The following PARP1 variants were observed in gnomAD, a reference collection of about 807,000 sequenced individuals.
PARP1 encodes the protein poly(ADP-ribose) polymerase 1.
In PARP1, 44 loss-of-function variants were observed where a neutral mutation model predicts 118.7. The observed-to-expected ratio is 0.37, with a 90% CI of 0.29 to 0.48. The LOEUF is 0.48. Among genes scored for constraint, PARP1 ranks in the 20% least tolerant of loss-of-function variants. The probability of loss-of-function intolerance (pLI) is 0.99; values close to 1 mark genes in which losing one functional copy is unlikely to be tolerated. For missense variants in PARP1, 1,100 were observed against 1,272.4 expected (o/e 0.86, Z 2.06); for synonymous variants, 492 against 483.2 (o/e 1.02, Z -0.24).
chr1:226,375,798 G>C (rs932225338), intron 13 of PARP1, among the ~76,000 whole-genome samples: 1 of 152,140 alleles, frequency 6.6e-6, no homozygotes, highest in Non-Finnish European at 1.5e-5. Context: ...CTATTGGACA[G>C]CACTGCTCTA....
intron 11 of PARP1, 137 bp from the exon 12 acceptor site, chr1:226,379,411 T>C: frequency 7.9e-7 from 1 of 1,263,934 alleles, no homozygotes; most frequent in Non-Finnish European, 1.2e-6. Flanking sequence ...CCCACAAATG[T>C]GTGTTCTCAG....
At chr1:226,362,168 G>C (rs1664156111) in intron 21 of PARP1, 85 bp from the exon 22 acceptor site, 1 of 759,248 alleles carries the variant, frequency 1.3e-6, no homozygotes, top group Non-Finnish European at 2.3e-6. Flanking sequence ...TTTGATGTTG[G>C]GTCCATGTGG....
chr1:226,384,809 G>T (rs567803247), intron 7 of PARP1, among the ~76,000 whole-genome samples: 2 of 146,942 alleles, frequency 1.4e-5, no homozygotes, highest in African/African-American at 5.0e-5. Context: ...AGTTACTCAG[G>T]TAACGATTCC....
chr1:226,361,663 A>T, intron 22 of PARP1, 122 bp from the exon 23 acceptor site: 1 of 778,050 alleles, frequency 1.3e-6, no homozygotes, highest in Admixed American at 1.9e-5. Flanking sequence ...AGGCCTCTTC[A>T]TGGGGCTGGG....
intron 1 of PARP1, among the ~76,000 whole-genome samples, chr1:226,405,315 AGGGTCTGGGTCTGGGTCT>A (rs71773443): frequency 6.6e-6 from 1 of 151,402 alleles, no homozygotes; most frequent in African/African-American, 2.4e-5. Context: ...TTTTTCAGAC[AGGGTCTGGGTCTGGGTCT>A]GGGTCTGTCG....
Position 226,379,936 on chromosome 1 carries a change from T to A in PARP1, c.1529A>T (p.Gln510Leu). ...GGGGCCCTCACCTTCCTCCTTGACC[T>A]GGCCCTTGCTTTTTTTGGAGAGCGC... Reference protein sequence around the residue: ...GAALSKKSKGQVKEEGINKSE... With the variant: ...GAALSKKSKGLVKEEGINKSE... Residue 510 changes from glutamine (Q) to leucine (L), a missense_variant, in exon 10 of 23, where the codon CAG becomes CTG. This residue lies in a region of PARP1 where 948 missense variants were observed against 1,031.8 expected (regional missense o/e 0.92). Coordinates refer to ENST00000366794, the MANE Select transcript of PARP1 (RefSeq NM_001618.4). The A allele has an allele frequency of 6.2e-7, 1 of 1,613,938 alleles. No homozygotes were observed. The highest frequency in any genetic ancestry group is 8.5e-7 in the Non-Finnish European group (1 of 1,180,014).
chr1:226,403,023 A>G (rs1665067906), intron 1 of PARP1, among the ~76,000 whole-genome samples: 1 of 152,242 alleles, frequency 6.6e-6, no homozygotes, highest in Admixed American at 6.5e-5. Context: ...TCGGGGCAGC[A>G]TGCCTAGAGC....
In PARP1 at chr1:226,379,141, C is replaced by A; in HGVS notation, c.1745+1G>T. The stretch of plus-strand genomic sequence containing the variant: ...AACCAGGCTACACCTGCAGAACTCA[C>A]CTGTTTTCCTTGTCGTCCTCCAGAA... On this transcript the variant is annotated splice_donor_variant, in intron 12 of 22. Coordinates refer to ENST00000366794, the MANE Select transcript of PARP1 (RefSeq NM_001618.4). LOFTEE classifies it high-confidence loss of function. 6.2e-7 allele frequency: 1 copy of A among 1,614,212 alleles called. No individual in the cohort carries two copies. The highest frequency in any genetic ancestry group is 2.2e-5 in the East Asian group (1 of 44,884).
chr1:226,407,946 C>G lies in PARP1; in HGVS notation c.-17G>C, dbSNP rs907187. ...CTCCGCCATCCTCCCCTAGCTGCCG[C>G]CAAAGCTCCGGAAGCCCGACGCCAC... On this transcript the variant is annotated 5_prime_UTR_variant, in exon 1 of 23. Transcript: ENST00000366794. 277,010 of 1,610,132 alleles carry G rather than the reference C, an allele frequency of 0.17. 28,309 individuals carry two copies. The highest frequency in any genetic ancestry group is 0.42 in the East Asian group (18,760 of 44,584).
chr1:226,363,791 G>T, intron 20 of PARP1, 152 bp downstream of exon 20: 2 of 822,996 alleles, frequency 2.4e-6, no homozygotes, highest in Non-Finnish European at 2.0e-6. Context: ...ACTTGAATTG[G>T]ATTCTGCTAC....
intron 2 of PARP1, chr1:226,392,690 T>C: frequency 1.8e-6 from 1 of 541,294 alleles, no homozygotes; most frequent in South Asian, 2.5e-5. Flanking sequence ...CTAATTTCCA[T>C]TATACTTCTA....
intron 14 of PARP1, 138 bp downstream of exon 14, chr1:226,374,088 G>T (rs1558235733): frequency 2.0e-6 from 2 of 1,007,190 alleles, no homozygotes; most frequent in East Asian, 5.0e-5. Flanking sequence ...ATTTAAGATT[G>T]AAGGACAGGT....
chr1:226,380,978 G>A (rs770663463), intron 9 of PARP1, 90 bp downstream of exon 9: 16 of 1,429,674 alleles, frequency 1.1e-5, no homozygotes, highest in Admixed American at 6.7e-5. Context: ...GTTTTTCAGC[G>A]CTGTGTTCGA....
intron 2 of PARP1, among the ~76,000 whole-genome samples, chr1:226,395,716 C>T (rs2793382): frequency 0.44 from 67,241 of 152,054 alleles, 16,338 homozygotes; most frequent in East Asian, 0.81. Flanking sequence ...TGAAATATGG[C>T]ATATTCGTGC....
chr1:226,364,957 T>C (rs1439199430), intron 19 of PARP1, 45 bp downstream of exon 19: 1 of 1,609,242 alleles, frequency 6.2e-7, no homozygotes, highest in African/African-American at 1.3e-5. Flanking sequence ...TGGAGACACC[T>C]GCAGAGACAG....
chr1:226,386,302 C>T (rs760135492), intron 6 of PARP1, 24 bp downstream of exon 6: 2 of 1,428,400 alleles, frequency 1.4e-6, no homozygotes, highest in South Asian at 2.3e-5. Flanking sequence ...CATGCGTGTC[C>T]CACTTAACAC....
At chr1:226,401,160 G>C (rs1179205903) in intron 2 of PARP1, among the ~76,000 whole-genome samples, 2 of 152,262 alleles carry the variant, frequency 1.3e-5, no homozygotes, top group Non-Finnish European at 1.5e-5. Flanking sequence ...GAATTAGGAG[G>C]GATAAACAGG....
intron 2 of PARP1, among the ~76,000 whole-genome samples, chr1:226,399,858 C>G (rs1664994949): frequency 6.6e-6 from 1 of 152,134 alleles, no homozygotes; most frequent in African/African-American, 2.4e-5. Context: ...CTGTACTTTA[C>G]TCAATTTTGC....
chr1:226,406,996 T>C (rs138611297), intron 1 of PARP1, among the ~76,000 whole-genome samples: 6 of 152,222 alleles, frequency 3.9e-5, no homozygotes, highest in Non-Finnish European at 7.4e-5. Flanking sequence ...AGAACCAGAA[T>C]TATTAATACA....
Sources: gnomAD v4.1 joint callset for allele counts (sites outside exome capture counted in the v4.1 genomes callset) on GRCh38, gnomAD v4.1.1 for gene constraint, gnomAD v4.1.1 regional missense constraint, MANE v1.5 for transcripts, NCBI Gene and HGNC (gene_info 2026-07-23, HGNC 2026-07-21) for gene names.